The following PDS5A variants were observed in gnomAD, a reference collection of about 807,000 sequenced individuals.
The protein encoded by PDS5A is PDS5 cohesin associated factor A, also known as sister chromatid cohesion protein PDS5 homolog A.
A neutral mutation model predicts 167.1 loss-of-function variants in PDS5A; 42 were observed. The ratio of observed to expected loss-of-function variants is 0.25; its 90% CI spans 0.20 to 0.33. PDS5A has a LOEUF of 0.33. PDS5A is among the 10% of genes least tolerant of loss of function. The probability of loss-of-function intolerance (pLI) is 1.00; values close to 1 mark genes in which losing one functional copy is unlikely to be tolerated. For missense variants in PDS5A, 1,033 were observed against 1,605.9 expected, an observed-to-expected ratio of 0.64 and a Z score of 6.10; for synonymous variants, 553 against 554.6, an observed-to-expected ratio of 1.00 and a Z score of 0.04.
At chr4:39,944,178 C>CAAAAAA (rs60344531) in intron 2 of PDS5A, among the ~76,000 whole-genome samples, 7 of 88,248 alleles carry the variant, frequency 7.9e-5, no homozygotes, top group Admixed American at 1.3e-4. Flanking sequence ...GACTCCGTCT[C>CAAAAAA]AAAAAAAAAA....
At chr4:39,897,223 A>G (rs1414051048) in intron 16 of PDS5A, among the ~76,000 whole-genome samples, 1 of 151,862 alleles carries the variant, frequency 6.6e-6, no homozygotes, top group Non-Finnish European at 1.5e-5. Flanking sequence ...GTGAAAACCT[A>G]CCTCTACTAA....
chr4:39,964,892 G>A (rs934247141), intron 2 of PDS5A, among the ~76,000 whole-genome samples: 1 of 151,518 alleles, frequency 6.6e-6, no homozygotes, highest in Non-Finnish European at 1.5e-5. Flanking sequence ...GCAGTGAGCC[G>A]AGGTCGTGCC....
intron 32 of PDS5A, among the ~76,000 whole-genome samples, chr4:39,825,847 A>T (rs931787810): frequency 1.3e-5 from 2 of 152,120 alleles, no homozygotes; most frequent in Non-Finnish European, 2.9e-5. Flanking sequence ...GCGATCTGGG[A>T]AGCCTGCGCT....
At chr4:39,848,126 T>C (rs1008853034) in intron 28 of PDS5A, 4 of 151,998 alleles carry the variant, frequency 2.6e-5, no homozygotes, top group Admixed American at 1.3e-4. Context: ...TGTGGAAAAA[T>C]TGTCTTCCAC....
At chr4:39,896,702 G>A (rs1414140078) in intron 16 of PDS5A, among the ~76,000 whole-genome samples, 1 of 151,608 alleles carries the variant, frequency 6.6e-6, no homozygotes, top group Non-Finnish European at 1.5e-5. Flanking sequence ...GGAGGCTGAG[G>A]ATGCAGTGGG....
intron 2 of PDS5A, among the ~76,000 whole-genome samples, chr4:39,935,767 T>C (rs1277003849): frequency 6.6e-6 from 1 of 152,200 alleles, no homozygotes; most frequent in Non-Finnish European, 1.5e-5. Context: ...AAGAGAAACA[T>C]ACACTGGAGG....
chr4:39,947,181 T>C (rs1005110880), intron 2 of PDS5A, among the ~76,000 whole-genome samples: 1 of 152,164 alleles, frequency 6.6e-6, no homozygotes, highest in African/African-American at 2.4e-5. Flanking sequence ...TGACCAGGCA[T>C]GGTGGTTCAC....
rs1355062783 is a variant in PDS5A at position 39,824,808 on chromosome 4, C to A, written c.*677G>T. On this transcript the variant is annotated 3_prime_UTR_variant, in exon 33 of 33. Transcript: ENST00000303538. ...CAAAATATGAACTGTTTACTACTTG[C>A]AAATCAATAATTTTAATTTTCTCAC... 4 of 152,522 alleles carry A rather than the reference C, an allele frequency of 2.6e-5. No homozygotes were observed. Among genetic ancestry groups the A allele is most frequent in the African/African-American group, 9.7e-5 (4 of 41,416 alleles). 9.4% of individuals were successfully genotyped at this position (152,522 alleles called of 1,614,324 possible).
intron 31 of PDS5A, among the ~76,000 whole-genome samples, chr4:39,838,612 A>C (rs1716656324): frequency 6.6e-6 from 1 of 152,156 alleles, no homozygotes; most frequent in Non-Finnish European, 1.5e-5. Context: ...AGTCCCAGCT[A>C]CTTGGGAGGC....
chr4:39,956,823 C>T (rs919721759), intron 2 of PDS5A, among the ~76,000 whole-genome samples: 1 of 152,032 alleles, frequency 6.6e-6, no homozygotes, highest in African/African-American at 2.4e-5. Context: ...TAGGCGCCTG[C>T]ACCACATCCA....
chr4:39,966,571 T>C (rs1729982188), intron 2 of PDS5A, among the ~76,000 whole-genome samples: 1 of 152,214 alleles, frequency 6.6e-6, no homozygotes, highest in Admixed American at 6.5e-5. Context: ...ACTTAATTTT[T>C]CGAATTCTTA....
intron 7 of PDS5A, among the ~76,000 whole-genome samples, chr4:39,917,659 C>T (rs1396481462): frequency 1.3e-5 from 2 of 152,048 alleles, no homozygotes; most frequent in Non-Finnish European, 2.9e-5. Flanking sequence ...ACTGCAACTT[C>T]CACCTCCGAG....
intron 7 of PDS5A, among the ~76,000 whole-genome samples, chr4:39,919,870 C>A (rs528619855): frequency 6.6e-6 from 1 of 151,336 alleles, no homozygotes; most frequent in Admixed American, 6.6e-5. Flanking sequence ...GTATTTAAAT[C>A]TTTGCCAAAA....
intron 16 of PDS5A, among the ~76,000 whole-genome samples, chr4:39,896,852 G>A (rs2109639548): frequency 6.6e-6 from 1 of 150,572 alleles, no homozygotes; most frequent in African/African-American, 2.4e-5. Context: ...CGCCAGGTCA[G>A]GATCACCAAG....
In PDS5A at chr4:39,837,933, T is replaced by C. The variant is rs750921310; in HGVS notation, c.3933A>G (p.Ala1311=). ...VGQESPGGLE[A]GNAKAPKLQD... The stretch of plus-strand genomic sequence containing the variant: ...GCAGTTTGGGTGCTTTGGCATTACC[T>C]GCTTCCAAACCCCCAGGGCTCTCCT... Residue 1311 remains alanine, a synonymous_variant, in exon 32 of 33, where the codon GCA becomes GCG. Coordinates refer to ENST00000303538, the MANE Select transcript of PDS5A (RefSeq NM_001100399.2). 1 of 1,614,064 alleles carries C rather than the reference T, an allele frequency of 6.2e-7. No homozygotes were observed. The highest frequency in any genetic ancestry group is 1.1e-5 in the South Asian group (1 of 91,082).
At chr4:39,931,943 C>G (rs1726110862) in intron 2 of PDS5A, among the ~76,000 whole-genome samples, 2 of 147,904 alleles carry the variant, frequency 1.4e-5, no homozygotes, top group Non-Finnish European at 3.0e-5. Context: ...CCAGGCTAAA[C>G]TGCAGTGGCA....
rs554365503 is a variant in PDS5A at position 39,939,187 on chromosome 4, T to C, written c.139-11023A>G. ...GCTATGGCTGAGCTATAGTTGTACA[T>C]TGTACAGTGGCTCATGCCCGTAATC... On this transcript the variant is annotated intron_variant, in intron 2 of 32. Coordinates refer to ENST00000303538, the MANE Select transcript of PDS5A (RefSeq NM_001100399.2). Among the ~76,000 whole-genome samples the C allele has an allele frequency of 2.0e-5, 3 of 152,096 alleles. No homozygotes were observed. In the South Asian group the frequency reaches 6.2e-4, roughly 32 times the overall value.
chr4:39,948,496 T>C (rs1359685799), intron 2 of PDS5A, among the ~76,000 whole-genome samples: 1 of 151,774 alleles, frequency 6.6e-6, no homozygotes, highest in African/African-American at 2.4e-5. Flanking sequence ...TGCTAATTTT[T>C]GTATTTTTAG....
chr4:39,844,478 CAAAA>C (rs9306976), intron 30 of PDS5A, among the ~76,000 whole-genome samples, 174 bp downstream of exon 30: 23 of 130,274 alleles, frequency 1.8e-4, no homozygotes, highest in South Asian at 4.9e-4. Flanking sequence ...GACTTTGTCT[CAAAA>C]AAAAAAAAAA....
Sources: allele counts gnomAD v4.1 joint callset (sites outside exome capture counted in the v4.1 genomes callset), GRCh38; gene constraint gnomAD v4.1.1; transcripts MANE v1.5; gene names NCBI Gene and HGNC (gene_info 2026-07-23, HGNC 2026-07-21).